SEPTIN2: variants seen among roughly 807,000 people sequenced by gnomAD.
SEPTIN2 encodes the protein septin-2.
Under a neutral mutation model 46.5 loss-of-function variants are expected in SEPTIN2, and 34 were observed. The ratio of observed to expected loss-of-function variants is 0.73; its 90% CI spans 0.56 to 0.97. SEPTIN2 has a LOEUF of 0.97. Ranked by LOEUF, SEPTIN2 falls within the 50% of genes least tolerant of loss-of-function variation. The probability of loss-of-function intolerance (pLI) is 0.00; values close to 1 mark genes in which losing one functional copy is unlikely to be tolerated. For missense variants in SEPTIN2, 347 were observed against 448.4 expected, an observed-to-expected ratio of 0.77 and a Z score of 2.04; for synonymous variants, 175 against 153.4, an observed-to-expected ratio of 1.14 and a Z score of -1.04.
intron 3 of SEPTIN2, among the ~76,000 whole-genome samples, chr2:241,330,923 A>G (rs1168188785): frequency 4.6e-5 from 7 of 152,256 alleles, no homozygotes; most frequent in Non-Finnish European, 1.5e-5. Context: ...TAATCCCAGC[A>G]CTTTGGGAGC....
In SEPTIN2 at chr2:241,335,179, C is replaced by A; in HGVS notation, c.184C>A (p.Leu62Met). The change falls in exon 4 of 13, where the codon CTG becomes ATG. Residue 62 changes from leucine to methionine, a missense_variant. Coordinates refer to ENST00000391971, the MANE Select transcript of SEPTIN2 (RefSeq NM_004404.5). ...TLINSLFLTDLYPERVIPGAA... is the reference protein window; with the variant it reads ...TLINSLFLTDMYPERVIPGAA... ...CATAAACAGCCTATTCCTAACTGAT[C>A]TGTACCCAGAAAGAGTCATACCTGG... 2 of 1,613,860 alleles carry A rather than the reference C, an allele frequency of 1.2e-6. No homozygotes were observed. Among genetic ancestry groups the A allele is most frequent in the South Asian group, 1.1e-5 (1 of 91,034 alleles).
At chr2:241,337,900 C>T (rs564997053) in intron 7 of SEPTIN2, 110 bp downstream of exon 7, 42 of 636,474 alleles carry the variant, frequency 6.6e-5, no homozygotes, top group African/African-American at 3.9e-4. Context: ...GGAGGCAGGG[C>T]GGGAGAATTT....
intron 1 of SEPTIN2, among the ~76,000 whole-genome samples, chr2:241,320,718 G>A (rs1258192747): frequency 3.3e-5 from 5 of 152,152 alleles, no homozygotes. Flanking sequence ...GAATCCAGGA[G>A]GCAGAGGTTG....
intron 1 of SEPTIN2, chr2:241,317,495 CCAGCATA>C: frequency 1.0e-6 from 1 of 980,342 alleles, no homozygotes; most frequent in Non-Finnish European, 1.2e-6. Context: ...ATCCCCAATA[CCAGCATA>C]CAGAAACTGC....
At chr2:241,337,837 G>A (rs374586127) in intron 7 of SEPTIN2, 47 bp downstream of exon 7, 4 of 1,317,626 alleles carry the variant, frequency 3.0e-6, no homozygotes, top group African/African-American at 2.9e-5. Flanking sequence ...CGACTCGGGG[G>A]CATGGGGATG....
chr2:241,318,996 G>A (rs968635042), intron 1 of SEPTIN2, among the ~76,000 whole-genome samples: 7 of 152,058 alleles, frequency 4.6e-5, no homozygotes, highest in Non-Finnish European at 1.0e-4. Context: ...GCACCCAGCC[G>A]AGTATTTGTA....
chr2:241,336,004 G>T lies in SEPTIN2; in HGVS notation c.247G>T (p.Ala83Ser). 1 of 1,613,874 alleles carries T rather than the reference G, an allele frequency of 6.2e-7. No individual in the cohort carries two copies. The highest frequency in any genetic ancestry group is 2.2e-5 in the East Asian group (1 of 44,892). The stretch of plus-strand genomic sequence containing the variant: ...AATTGAAAGAACTGTCCAGATTGAG[G>T]CTTCAACTGTTGAAATTGAAGAGCG... ...EKIERTVQIE[A>S]STVEIEERGV... The change falls in exon 5 of 13, where the codon GCT becomes TCT. Residue 83 changes from alanine (A) to serine (S), a missense_variant. By Grantham distance (99) the Ala-to-Ser change is moderately conservative. Transcript: ENST00000391971.
At chr2:241,338,222 G>A (rs965854129) in intron 7 of SEPTIN2, among the ~76,000 whole-genome samples, 2 of 152,068 alleles carry the variant, frequency 1.3e-5, no homozygotes, top group Admixed American at 1.3e-4. Flanking sequence ...CCAGCGAAGC[G>A]CCTCTCACCC....
chr2:241,335,970 T>C lies in SEPTIN2; in HGVS notation c.218-5T>C, dbSNP rs773916861. On this transcript the variant is annotated splice_region_variant and splice_polypyrimidine_tract_variant and intron_variant, in intron 4 of 12. Coordinates refer to ENST00000391971, the MANE Select transcript of SEPTIN2 (RefSeq NM_004404.5). ...TATTCCCTATTAAGTTTGTTTCTTT[T>C]CTAGAAAAAATTGAAAGAACTGTCC... 1.2e-6 allele frequency: 2 copies of C among 1,614,130 alleles called. No individual in the cohort carries two copies. The highest frequency in any genetic ancestry group is 1.6e-4 in the Middle Eastern group (1 of 6,062).
At chr2:241,328,887 G>A (rs1228204328) in intron 3 of SEPTIN2, among the ~76,000 whole-genome samples, 6 of 151,402 alleles carry the variant, frequency 4.0e-5, no homozygotes, top group Non-Finnish European at 8.8e-5. Flanking sequence ...GGGCATGGTG[G>A]TGGAGGCCTG....
chr2:241,329,517 A>G (rs2078627536), intron 3 of SEPTIN2, among the ~76,000 whole-genome samples: 3 of 152,222 alleles, frequency 2.0e-5, no homozygotes, highest in African/African-American at 7.2e-5. Context: ...ACAGACTAAT[A>G]TATGTTAGAA....
intron 10 of SEPTIN2, among the ~76,000 whole-genome samples, chr2:241,347,468 C>A (rs2060361500): frequency 6.6e-6 from 1 of 152,188 alleles, no homozygotes; most frequent in Admixed American, 6.5e-5. Context: ...GCACAGTTCT[C>A]AGGTGTGCTT....
intron 3 of SEPTIN2, among the ~76,000 whole-genome samples, chr2:241,334,751 A>G (rs998592042): frequency 1.3e-5 from 2 of 152,242 alleles, no homozygotes; most frequent in African/African-American, 2.4e-5. Flanking sequence ...TGGTGAGTTT[A>G]GTGACTAGCA....
intron 3 of SEPTIN2, among the ~76,000 whole-genome samples, chr2:241,326,906 T>G (rs2078065720): frequency 6.6e-6 from 1 of 152,032 alleles, no homozygotes. Flanking sequence ...AAACCCTGTC[T>G]CTACAGAAAA....
At chr2:241,335,412 A>G (rs372562239) in intron 4 of SEPTIN2, 200 bp downstream of exon 4, 18 of 1,423,754 alleles carry the variant, frequency 1.3e-5, no homozygotes, top group Middle Eastern at 1.7e-4. Context: ...ACACGTATCC[A>G]TGGATCCATC....
chr2:241,335,536 T>G (rs2079806236), intron 4 of SEPTIN2: 2 of 648,320 alleles, frequency 3.1e-6, no homozygotes, highest in Non-Finnish European at 5.4e-6. Flanking sequence ...ACTAGAAGAT[T>G]ACTAGGATAG....
At chr2:241,337,592 A>G (rs1295105941) in intron 6 of SEPTIN2, 76 bp downstream of exon 6, 10 of 1,574,980 alleles carry the variant, frequency 6.3e-6, no homozygotes, top group Non-Finnish European at 8.7e-6. Flanking sequence ...GTATTTTAAT[A>G]TAAGAATTAA....
At chr2:241,319,969 T>C (rs1297802086) in intron 1 of SEPTIN2, among the ~76,000 whole-genome samples, 2 of 152,094 alleles carry the variant, frequency 1.3e-5, no homozygotes, top group African/African-American at 2.4e-5. Context: ...TAATGCATGA[T>C]TTTTTTTCCC....
chr2:241,340,120 A>G (rs2081056603), intron 7 of SEPTIN2, among the ~76,000 whole-genome samples: 1 of 152,204 alleles, frequency 6.6e-6, no homozygotes, highest in Non-Finnish European at 1.5e-5. Flanking sequence ...AACAATTTAC[A>G]TTTCCAAAGT....
Sources: allele counts gnomAD v4.1 joint callset (sites outside exome capture counted in the v4.1 genomes callset), GRCh38; gene constraint gnomAD v4.1.1; transcripts MANE v1.5; gene names NCBI Gene and HGNC (gene_info 2026-07-23, HGNC 2026-07-21).